The following GOLM2 variants were observed in gnomAD, a reference collection of about 807,000 sequenced individuals.
GOLM2 encodes golgi membrane protein 2, also known as protein GOLM2.
A neutral mutation model predicts 55.9 loss-of-function variants in GOLM2; 26 were observed. That is an observed-to-expected ratio of 0.47 (90% confidence interval 0.34 to 0.65). The LOEUF (loss-of-function observed/expected upper bound fraction) is 0.65. Ranked by LOEUF, GOLM2 falls within the 30% of genes least tolerant of loss-of-function variation. The pLI, the probability that GOLM2 is intolerant of heterozygous loss-of-function variation, is 0.01. For synonymous variants in GOLM2, 165 were observed against 194.6 expected (o/e 0.85, Z 1.27); for missense variants, 486 against 531.8 (o/e 0.91, Z 0.85).
intron 4 of GOLM2, among the ~76,000 whole-genome samples, chr15:44,336,429 G>C (rs989907330): frequency 1.3e-5 from 2 of 152,084 alleles, no homozygotes; most frequent in African/African-American, 4.8e-5. Context: ...AACTGCTTAA[G>C]TTTTTAATAC....
chr15:44,304,732 G>A (rs2078824976), intron 1 of GOLM2, among the ~76,000 whole-genome samples: 1 of 151,838 alleles, frequency 6.6e-6, no homozygotes, highest in African/African-American at 2.4e-5. Context: ...TTTAAAAAAT[G>A]GTTTGTAGAC....
intron 6 of GOLM2, among the ~76,000 whole-genome samples, chr15:44,375,390 C>T (rs1000503158): frequency 1.3e-5 from 2 of 152,174 alleles, no homozygotes; most frequent in African/African-American, 2.4e-5. Flanking sequence ...TTTCCCCAAA[C>T]TTTCATTGTT....
At chr15:44,319,690 C>T (rs954097792) in intron 1 of GOLM2, among the ~76,000 whole-genome samples, 3 of 151,812 alleles carry the variant, frequency 2.0e-5, no homozygotes, top group African/African-American at 7.3e-5. Flanking sequence ...AGGGCTCAAT[C>T]AGTCCTCCCA....
chr15:44,347,863 C>A (rs994396428), intron 6 of GOLM2, among the ~76,000 whole-genome samples: 1 of 152,136 alleles, frequency 6.6e-6, no homozygotes, highest in Non-Finnish European at 1.5e-5. Flanking sequence ...AACTTGAATA[C>A]CAGCTCAGCC....
chr15:44,359,810 G>A (rs1007783480), intron 6 of GOLM2, among the ~76,000 whole-genome samples: 1 of 152,124 alleles, frequency 6.6e-6, no homozygotes, highest in African/African-American at 2.4e-5. Context: ...GAGAAAGGTC[G>A]GGTTACCCAC....
chr15:44,292,527 T>C (rs1051798192), intron 1 of GOLM2, among the ~76,000 whole-genome samples: 2 of 152,142 alleles, frequency 1.3e-5, no homozygotes, highest in Admixed American at 1.3e-4. Flanking sequence ...TTTTTTCTTT[T>C]TTTAGTTTTG....
intron 6 of GOLM2, among the ~76,000 whole-genome samples, chr15:44,369,067 T>TATTTTATA (rs1555424961): frequency 4.4e-5 from 1 of 22,960 alleles, no homozygotes; most frequent in African/African-American, 1.5e-4. Context: ...ATAGGATATA[T>TATTTTATA]TATATATATA....
chr15:44,368,750 C>CATATAT (rs974507603), intron 6 of GOLM2, among the ~76,000 whole-genome samples: 3 of 150,604 alleles, frequency 2.0e-5, no homozygotes, highest in African/African-American at 7.3e-5. Context: ...TATACATATA[C>CATATAT]ATATATATAT....
intron 6 of GOLM2, among the ~76,000 whole-genome samples, chr15:44,362,280 T>C (rs1446277394): frequency 2.0e-5 from 3 of 152,114 alleles, no homozygotes; most frequent in East Asian, 1.9e-4. Context: ...AACATGATTG[T>C]ATATCTAGAA....
chr15:44,328,703 G>A lies in GOLM2; in HGVS notation c.401G>A (p.Arg134His), dbSNP rs142920383. 2.4e-5 allele frequency: 38 copies of A among 1,612,702 alleles called. No individual in the cohort carries two copies. Among genetic ancestry groups the A allele is most frequent in the Non-Finnish European group, 2.8e-5 (33 of 1,179,584 alleles). The stretch of plus-strand genomic sequence containing the variant: ...TGGATAGAGCAACTTGCTGAGCTTC[G>A]TCAGGAATTTCTTCGACAAGAAGAC... The part of the protein sequence containing the change: ...HHLKEQLAEL[R>H]QEFLRQEDQL... Residue 134 changes from arginine to histidine, a missense_variant, in exon 3 of 10, where the codon CGT (arginine) becomes CAT (histidine). Coordinates refer to ENST00000299957, the MANE Select transcript of GOLM2 (RefSeq NM_138423.4).
chr15:44,296,605 A>G (rs1194342110), intron 1 of GOLM2, among the ~76,000 whole-genome samples: 1 of 152,156 alleles, frequency 6.6e-6, no homozygotes, highest in Non-Finnish European at 1.5e-5. Flanking sequence ...AATTCTTAAA[A>G]CAGTGCCTAC....
chr15:44,293,963 G>A (rs952988163), intron 1 of GOLM2, among the ~76,000 whole-genome samples: 3 of 151,946 alleles, frequency 2.0e-5, no homozygotes, highest in Non-Finnish European at 2.9e-5. Context: ...TACTTGTATC[G>A]GTATGGACTC....
chr15:44,379,392 C>G (rs1342029479), intron 6 of GOLM2, among the ~76,000 whole-genome samples: 6 of 151,916 alleles, frequency 3.9e-5, no homozygotes, highest in Admixed American at 1.3e-4. Flanking sequence ...CAGGGAGAAT[C>G]GCTGGAACGC....
intron 9 of GOLM2, among the ~76,000 whole-genome samples, chr15:44,407,451 G>A (rs1269984146): frequency 6.6e-6 from 1 of 151,282 alleles, no homozygotes; most frequent in African/African-American, 2.4e-5. Context: ...ATTTTTTGTA[G>A]TGGCAGGATT....
chr15:44,370,072 C>T (rs1595654057), intron 6 of GOLM2, among the ~76,000 whole-genome samples: 1 of 152,226 alleles, frequency 6.6e-6, no homozygotes, highest in Non-Finnish European at 1.5e-5. Flanking sequence ...CCAGTCTCAC[C>T]TTTTCTCGTT....
chr15:44,410,224 G>A (rs544729683), intron 9 of GOLM2, among the ~76,000 whole-genome samples: 1 of 152,198 alleles, frequency 6.6e-6, no homozygotes, highest in Admixed American at 6.5e-5. Flanking sequence ...GGATTACGAG[G>A]TCAGAAGTTC....
chr15:44,369,102 T>G (rs1171089635), intron 6 of GOLM2, among the ~76,000 whole-genome samples: 1 of 102,482 alleles, frequency 9.8e-6, no homozygotes, highest in African/African-American at 3.5e-5. Flanking sequence ...TATATATATA[T>G]ATATATATAT....
intron 8 of GOLM2, chr15:44,387,550 G>A (rs2079454997): frequency 1.3e-5 from 2 of 152,060 alleles, no homozygotes; most frequent in South Asian, 4.1e-4. Context: ...ATCATCTGAG[G>A]TCAGGAGTTC....
chr15:44,413,996 A>C lies in GOLM2; in HGVS notation c.*590A>C, dbSNP rs975020961. ...CAGCTAATTTTTGTATTTTTAATAGAGAGCTAATAATTGTATATTTAATAA... is the reference window on the plus strand; with the variant it reads ...CAGCTAATTTTTGTATTTTTAATAGCGAGCTAATAATTGTATATTTAATAA... On this transcript the variant is annotated 3_prime_UTR_variant, in exon 10 of 10. Transcript: ENST00000299957. 1.3e-5 allele frequency: 2 copies of C among 152,112 alleles called. No individual in the cohort carries two copies. Among genetic ancestry groups the C allele is most frequent in the Non-Finnish European group, 2.9e-5 (2 of 68,050 alleles). 9.4% of individuals were successfully genotyped at this position (152,112 alleles called of 1,614,324 possible).
Sources: allele counts gnomAD v4.1 joint callset (sites outside exome capture counted in the v4.1 genomes callset), GRCh38; gene constraint gnomAD v4.1.1; transcripts MANE v1.5; gene names NCBI Gene and HGNC (gene_info 2026-07-23, HGNC 2026-07-21).